The following EIF4G3 variants were observed in gnomAD, a reference collection of about 807,000 sequenced individuals.
EIF4G3 encodes eukaryotic translation initiation factor 4 gamma 3.
In EIF4G3, 34 loss-of-function variants were observed where a neutral mutation model predicts 186.4. That is an observed-to-expected ratio of 0.18 (90% confidence interval 0.14 to 0.24). The LOEUF (loss-of-function observed/expected upper bound fraction) is 0.24, where lower values mean the gene tolerates loss of function less well. EIF4G3 is among the 10% of genes least tolerant of loss of function. EIF4G3 has a pLI of 1.00. For missense variants in EIF4G3, 1,536 were observed against 1,948.5 expected, an observed-to-expected ratio of 0.79 and a Z score of 3.99; for synonymous variants, 673 against 679.5, an observed-to-expected ratio of 0.99 and a Z score of 0.15.
chr1:21,002,170 T>C (rs1001235889), intron 5 of EIF4G3, among the ~76,000 whole-genome samples: 4 of 152,228 alleles, frequency 2.6e-5, no homozygotes, highest in Admixed American at 6.5e-5. Context: ...AAGAGGATGA[T>C]AGCATTTACA....
intron 23 of EIF4G3, 99 bp from the exon 24 acceptor site, chr1:20,860,616 T>A: frequency 1.5e-6 from 2 of 1,332,184 alleles, no homozygotes; most frequent in African/African-American, 1.5e-5. Context: ...ACAAAATACC[T>A]ACAAAAGCTG....
chr1:20,941,543 T>G lies in EIF4G3; in HGVS notation c.1611A>C (p.Thr537=). The change falls in exon 14 of 37, where the codon ACA becomes ACC. Residue 537 remains threonine (T), a synonymous_variant. Coordinates refer to ENST00000602326, the MANE Select transcript of EIF4G3 (RefSeq NM_001391906.1). ...NKIEVEADGQ[T]EEILDSQNLN... ...AGTTTTGAGAATCCAAAATCTCTTC[T>G]GTTTGCCCATCTGCTTCTACCTCTA... 6.2e-7 allele frequency: 1 copy of G among 1,613,140 alleles called. No individual in the cohort carries two copies. Among genetic ancestry groups the G allele is most frequent in the Non-Finnish European group, 8.5e-7 (1 of 1,179,696 alleles).
intron 4 of EIF4G3, among the ~76,000 whole-genome samples, chr1:21,049,038 A>T (rs918323769): frequency 3.9e-5 from 6 of 152,220 alleles, no homozygotes; most frequent in African/African-American, 1.4e-4. Flanking sequence ...CTGCTCTACC[A>T]CTTGGGACTT....
chr1:21,016,455 G>T (rs2089092007), intron 4 of EIF4G3, among the ~76,000 whole-genome samples: 1 of 152,130 alleles, frequency 6.6e-6, no homozygotes, highest in Admixed American at 6.5e-5. Context: ...AGAGGTGGAG[G>T]TGGAAGGATT....
chr1:20,892,235 T>G (rs1399364121), intron 18 of EIF4G3, among the ~76,000 whole-genome samples: 1 of 152,214 alleles, frequency 6.6e-6, no homozygotes, highest in Non-Finnish European at 1.5e-5. Context: ...TATCTGCAAA[T>G]GTACATCAAA....
intron 4 of EIF4G3, among the ~76,000 whole-genome samples, chr1:21,046,855 T>C (rs753610928): frequency 6.6e-6 from 1 of 152,058 alleles, no homozygotes; most frequent in Non-Finnish European, 1.5e-5. Context: ...GGTAGCCAAA[T>C]AAAAGAATTA....
At chr1:20,842,989 C>G (rs1349820792) in intron 29 of EIF4G3, among the ~76,000 whole-genome samples, 1 of 151,930 alleles carries the variant, frequency 6.6e-6, no homozygotes, top group Non-Finnish European at 1.5e-5. Context: ...GGACCACAGG[C>G]ATGCCACCAT....
chr1:21,103,237 A>G (rs2096558158), intron 2 of EIF4G3, among the ~76,000 whole-genome samples: 2 of 152,084 alleles, frequency 1.3e-5, no homozygotes, highest in Admixed American at 1.3e-4. Flanking sequence ...ACTGCTTTCT[A>G]TTCACTTTCC....
At chr1:20,927,909 G>A (rs889655291) in intron 14 of EIF4G3, among the ~76,000 whole-genome samples, 1 of 152,116 alleles carries the variant, frequency 6.6e-6, no homozygotes. Flanking sequence ...CCAGGCTGGA[G>A]AGCAGTGGTG....
chr1:21,077,895 A>C (rs540455387), intron 3 of EIF4G3, among the ~76,000 whole-genome samples: 19 of 151,934 alleles, frequency 1.3e-4, no homozygotes, highest in Admixed American at 5.2e-4. Flanking sequence ...AAAAAAAAAA[A>C]AACAACAAAA....
In EIF4G3 at chr1:20,941,972, T is replaced by C; in HGVS notation, c.1182A>G (p.Lys394=). 1 of 1,614,202 alleles carries C rather than the reference T, an allele frequency of 6.2e-7. No homozygotes were observed. The highest frequency in any genetic ancestry group is 2.2e-5 in the East Asian group (1 of 44,888). The change falls in exon 14 of 37, where the codon AAA becomes AAG. Residue 394 remains lysine (K), a synonymous_variant. Coordinates refer to ENST00000602326, the MANE Select transcript of EIF4G3 (RefSeq NM_001391906.1). ...TNENDDDICK[K]PCSVAPNDIP... ...TATCATTAGGTGCTACACTACAGGGTTTCTTGCATATATCATCATCATTTT... is the reference window on the plus strand; with the variant it reads ...TATCATTAGGTGCTACACTACAGGGCTTCTTGCATATATCATCATCATTTT...
At chr1:21,166,886 A>G (rs2097864146) in intron 2 of EIF4G3, among the ~76,000 whole-genome samples, 1 of 151,942 alleles carries the variant, frequency 6.6e-6, no homozygotes, top group Non-Finnish European at 1.5e-5. Flanking sequence ...GGCTCAAGCA[A>G]TCCTCCCACC....
chr1:20,989,314 G>A (rs775973542), intron 7 of EIF4G3, among the ~76,000 whole-genome samples: 19 of 151,386 alleles, frequency 1.3e-4, no homozygotes, highest in African/African-American at 3.4e-4. Context: ...CCAACACTTC[G>A]GGAAGTGGAG....
chr1:20,868,812 G>T (rs2078297132), intron 20 of EIF4G3, among the ~76,000 whole-genome samples: 1 of 152,158 alleles, frequency 6.6e-6, no homozygotes, highest in Admixed American at 6.6e-5. Context: ...GAATTCACTA[G>T]AAAGCACCTA....
At chr1:21,121,060 A>T (rs1038565464) in intron 2 of EIF4G3, among the ~76,000 whole-genome samples, 1 of 152,134 alleles carries the variant, frequency 6.6e-6, no homozygotes, top group African/African-American at 2.4e-5. Flanking sequence ...GTGGGACTAC[A>T]GGAGTGAGCC....
At chr1:21,130,216 CTTTTTTT>C (rs71014159) in intron 2 of EIF4G3, among the ~76,000 whole-genome samples, 3 of 75,346 alleles carry the variant, frequency 4.0e-5, no homozygotes, top group Non-Finnish European at 7.2e-5. Context: ...GACCCCATCT[CTTTTTTT>C]TTTTTTTTTT....
chr1:20,841,909 G>A (rs953393158), intron 29 of EIF4G3, among the ~76,000 whole-genome samples: 4 of 152,050 alleles, frequency 2.6e-5, no homozygotes, highest in African/African-American at 9.7e-5. Flanking sequence ...GAAGGGGGAG[G>A]ATGTAGGTAG....
intron 4 of EIF4G3, among the ~76,000 whole-genome samples, chr1:21,030,746 A>G (rs2092664880): frequency 6.6e-6 from 1 of 152,202 alleles, no homozygotes; most frequent in East Asian, 1.9e-4. Context: ...AAACATCTCA[A>G]TTTGCAGAAA....
chr1:21,069,243 C>G (rs1327364071), intron 3 of EIF4G3, among the ~76,000 whole-genome samples: 1 of 152,094 alleles, frequency 6.6e-6, no homozygotes, highest in East Asian at 1.9e-4. Context: ...ATCTAGATAC[C>G]ATCTTTCTCT....
Sources: allele counts gnomAD v4.1 joint callset (sites outside exome capture counted in the v4.1 genomes callset), GRCh38; gene constraint gnomAD v4.1.1; transcripts MANE v1.5; gene names NCBI Gene and HGNC (gene_info 2026-07-23, HGNC 2026-07-21).